The following BSN variants were observed in gnomAD, a reference collection of about 807,000 sequenced individuals.
The protein encoded by BSN is protein bassoon.
Under a neutral mutation model 264.8 loss-of-function variants are expected in BSN, and 57 were observed. The ratio of observed to expected loss-of-function variants is 0.22; its 90% CI spans 0.17 to 0.27. The LOEUF (loss-of-function observed/expected upper bound fraction) is 0.27. Ranked by LOEUF, BSN falls within the 10% of genes least tolerant of loss-of-function variation. The pLI is 1.00. For missense variants in BSN, 4,615 were observed against 5,232.5 expected (o/e 0.88, Z 3.64); for synonymous variants, 2,059 against 2,137.3 (o/e 0.96, Z 1.01).
chr3:49,658,870 T>C (rs2052632274), intron 5 of BSN, among the ~76,000 whole-genome samples: 1 of 152,190 alleles, frequency 6.6e-6, no homozygotes, highest in Non-Finnish European at 1.5e-5. Flanking sequence ...GAGAAGTGGC[T>C]TGGCTGTGGG....
rs1447843803 is a variant in BSN, at chr3:49,660,297, C to T, written c.8641-189C>T. On this transcript the variant is annotated intron_variant, in intron 5 of 11. Transcript: ENST00000296452. The surrounding 1 kb of genome is among the most constrained non-coding windows in gnomAD (Gnocchi z 7.1). ...GGGCTGTAAAATAATCACAGATCTT[C>T]CCTCTATGGCAAAGAAACCAAGGCC... Among the ~76,000 whole-genome samples the T allele has an allele frequency of 6.6e-6, 1 of 152,042 alleles. No individual in the cohort carries two copies. Among genetic ancestry groups the T allele is most frequent in the Non-Finnish European group, 1.5e-5 (1 of 67,990 alleles).
In BSN at chr3:49,643,082, A is replaced by G. The variant is rs1218602717; in HGVS notation, c.1448A>G (p.Asn483Ser). 6.2e-7 allele frequency: 1 copy of G among 1,613,846 alleles called. No individual in the cohort carries two copies. The highest frequency in any genetic ancestry group is 1.7e-5 in the Admixed American group (1 of 60,026). ...NVGSKSPANYNTCTTCRLQVC... is the reference protein window; with the variant it reads ...NVGSKSPANYSTCTTCRLQVC... Reference sequence around the variant, plus strand: ...GGCAGCAAGAGCCCAGCCAACTATAACACATGCACCACCTGCAGGCTCCAG... The same window carrying G: ...GGCAGCAAGAGCCCAGCCAACTATAGCACATGCACCACCTGCAGGCTCCAG... Residue 483 changes from asparagine to serine, a missense_variant, in exon 3 of 12, where the codon AAC becomes AGC. Coordinates refer to ENST00000296452, the MANE Select transcript of BSN (RefSeq NM_003458.4).
At chr3:49,643,352 C>G (rs2052481676) in intron 3 of BSN, among the ~76,000 whole-genome samples, 200 bp downstream of exon 3, 1 of 152,232 alleles carries the variant, frequency 6.6e-6, no homozygotes, top group South Asian at 2.1e-4. Flanking sequence ...AACTTTCACT[C>G]AGAGTTGGGG....
At chr3:49,647,834 T>C (rs1368593479) in intron 3 of BSN, among the ~76,000 whole-genome samples, 1 of 152,216 alleles carries the variant, frequency 6.6e-6, no homozygotes, top group Admixed American at 6.5e-5. Context: ...CCCCTGGCTC[T>C]ACTCCTACCA....
chr3:49,645,333 G>A (rs1005404831), intron 3 of BSN, among the ~76,000 whole-genome samples: 1 of 152,132 alleles, frequency 6.6e-6, no homozygotes, highest in Admixed American at 6.5e-5. Context: ...GTGGATAGGC[G>A]GCCATAATGC....
intron 3 of BSN, among the ~76,000 whole-genome samples, chr3:49,648,520 CT>C (rs1357548656): frequency 6.6e-6 from 1 of 152,236 alleles, no homozygotes; most frequent in East Asian, 1.9e-4. Context: ...TCTCACAGTC[CT>C]TTCTGACATG....
At chr3:49,556,438 A>C (rs1055424292) in intron 1 of BSN, among the ~76,000 whole-genome samples, 1 of 152,230 alleles carries the variant, frequency 6.6e-6, no homozygotes, top group Admixed American at 6.5e-5. Context: ...TGCTGCAGGC[A>C]GACCCATGAA....
At chr3:49,611,134 G>A (rs1224882532) in intron 1 of BSN, among the ~76,000 whole-genome samples, 1 of 152,200 alleles carries the variant, frequency 6.6e-6, no homozygotes, top group Non-Finnish European at 1.5e-5. Flanking sequence ...CAGGACTATG[G>A]GAAGTGGCTT....
Position 49,616,311 on chromosome 3 carries a change from C to A in BSN, c.225-8664C>A, listed in dbSNP as rs374500092. 1.1e-4 allele frequency among the ~76,000 whole-genome samples: 17 copies of A among 152,320 alleles called. No individual in the cohort carries two copies. In the East Asian group the frequency reaches 2.3e-3, roughly 21 times the overall value. On this transcript the variant is annotated intron_variant, in intron 1 of 11. Transcript: ENST00000296452. ...CTGCTCTACAGCCTCTGCTTTGCTG[C>A]CTGGGTGCACAGGAACCACTGGCGT... is the stretch of plus-strand genomic sequence containing the variant.
At chr3:49,576,900 A>C (rs967394538) in intron 1 of BSN, among the ~76,000 whole-genome samples, 2 of 152,134 alleles carry the variant, frequency 1.3e-5, no homozygotes, top group African/African-American at 4.8e-5. Flanking sequence ...CTACATTGGT[A>C]TATGCTGCCT....
At chr3:49,644,627 A>T (rs556730167) in intron 3 of BSN, among the ~76,000 whole-genome samples, 12 of 152,158 alleles carry the variant, frequency 7.9e-5, no homozygotes, top group African/African-American at 2.4e-4. Flanking sequence ...TCACCACAAG[A>T]CTAGGAGAAC....
chr3:49,651,483 T>C lies in BSN; in HGVS notation c.1987-60T>C. On this transcript the variant is annotated intron_variant, in intron 4 of 11. Coordinates refer to ENST00000296452, the MANE Select transcript of BSN (RefSeq NM_003458.4). This position sits in a 1 kb window ranked among gnomAD's most constrained non-coding sequence, Gnocchi z 5.4. Reference sequence around the variant, plus strand: ...GGGTCCTGGGATTGACAGGGAGGATTGGGTTCCCACCACGAGCTTTGCCAT... The same window carrying C: ...GGGTCCTGGGATTGACAGGGAGGATCGGGTTCCCACCACGAGCTTTGCCAT... The C allele has an allele frequency of 6.7e-7, 1 of 1,501,200 alleles. No individual in the cohort carries two copies. Among genetic ancestry groups the C allele is most frequent in the Non-Finnish European group, 8.9e-7 (1 of 1,117,456 alleles). 93.0% of individuals were successfully genotyped at this position (1,501,200 alleles called of 1,614,324 possible).
intron 7 of BSN, 21 bp downstream of exon 7, chr3:49,663,687 T>C (rs2052686465): frequency 6.2e-7 from 1 of 1,603,070 alleles, no homozygotes; most frequent in African/African-American, 1.3e-5. Context: ...CTCCCATGCA[T>C]GGGTTGTAAC....
At chr3:49,572,295 T>C (rs2051802945) in intron 1 of BSN, among the ~76,000 whole-genome samples, 1 of 152,230 alleles carries the variant, frequency 6.6e-6, no homozygotes, top group African/African-American at 2.4e-5. Context: ...ATGGAACCTC[T>C]ACTCAAACCC....
intron 1 of BSN, among the ~76,000 whole-genome samples, chr3:49,569,504 T>A (rs865951655): frequency 5.3e-5 from 8 of 152,210 alleles, no homozygotes; most frequent in South Asian, 4.1e-4. Flanking sequence ...AGGTAGATTA[T>A]GCCCTTATTT....
chr3:49,576,630 C>G lies in BSN; in HGVS notation c.224+21804C>G, dbSNP rs547274458. On this transcript the variant is annotated intron_variant, in intron 1 of 11. Transcript: ENST00000296452. ...AGAGATGGGGTTTCACCATGTTGGC[C>G]AGGCTGGTCTTGAACTCCTGGCCTC... Among the ~76,000 whole-genome samples the G allele has an allele frequency of 3.2e-3, 492 of 152,204 alleles. 2 individuals carry two copies. The highest frequency in any genetic ancestry group is 5.7e-3 in the Non-Finnish European group (389 of 68,014).
chr3:49,600,472 C>T (rs1285561555), intron 1 of BSN, among the ~76,000 whole-genome samples: 2 of 152,094 alleles, frequency 1.3e-5, no homozygotes, highest in East Asian at 1.9e-4. Context: ...AGACTTGAGT[C>T]TAAAGGTGGC....
chr3:49,622,310 C>T (rs1309271986), intron 1 of BSN, among the ~76,000 whole-genome samples: 1 of 152,062 alleles, frequency 6.6e-6, no homozygotes, highest in Non-Finnish European at 1.5e-5. Context: ...ATACAAAGAC[C>T]GTGGACATAT....
chr3:49,604,028 T>C (rs1371352659), intron 1 of BSN, among the ~76,000 whole-genome samples: 3 of 152,196 alleles, frequency 2.0e-5, no homozygotes, highest in Non-Finnish European at 4.4e-5. Flanking sequence ...ACTTCATTGC[T>C]TTTGTTTTAT....
Sources: gnomAD v4.1 joint callset for allele counts (sites outside exome capture counted in the v4.1 genomes callset) on GRCh38, gnomAD v4.1.1 for gene constraint, Gnocchi (gnomAD v3.1) non-coding constraint, MANE v1.5 for transcripts, NCBI Gene and HGNC (gene_info 2026-07-23, HGNC 2026-07-21) for gene names.